Variants in SAMD3 observed in about 807,000 individuals in gnomAD.
The protein encoded by SAMD3 is sterile alpha motif domain containing 3, also known as sterile alpha motif domain-containing protein 3.
SAMD3 carries 63 observed loss-of-function variants against 58.5 expected under a neutral mutation model. The ratio of observed to expected loss-of-function variants is 1.08; its 90% confidence interval spans 0.88 to 1.33. The LOEUF is 1.33. SAMD3 is among the 40% of genes most tolerant of loss of function. The pLI is 0.00. For missense variants in SAMD3, 604 were observed against 608.4 expected (o/e 0.99, Z 0.08); for synonymous variants, 220 against 210.3 (o/e 1.05, Z -0.40).
At chr6:130,315,309 A>G (rs1776324689) in intron 1 of SAMD3, among the ~76,000 whole-genome samples, 1 of 152,178 alleles carries the variant, frequency 6.6e-6, no homozygotes, top group South Asian at 2.1e-4. Flanking sequence ...TAGAGTGTCA[A>G]TGAAAACTTG....
chr6:130,230,797 C>T (rs1428731857), intron 2 of SAMD3, among the ~76,000 whole-genome samples: 1 of 152,178 alleles, frequency 6.6e-6, no homozygotes, highest in African/African-American at 2.4e-5. Flanking sequence ...CATATTCCGA[C>T]CTGCTTACAG....
At chr6:130,343,816 T>G (rs1356444788) in intron 1 of SAMD3, among the ~76,000 whole-genome samples, 2 of 151,822 alleles carry the variant, frequency 1.3e-5, no homozygotes, top group African/African-American at 4.8e-5. Context: ...AATACAAAAA[T>G]TAACCGGGCA....
At chr6:130,291,036 C>T (rs534757140) in intron 2 of SAMD3, among the ~76,000 whole-genome samples, 2 of 152,248 alleles carry the variant, frequency 1.3e-5, no homozygotes, top group South Asian at 2.1e-4. Context: ...ACCTTTCATT[C>T]TGATGTGTGG....
upstream of SAMD3, chr6:130,365,491 G>T (rs985673759): frequency 4.1e-6 from 4 of 985,202 alleles, no homozygotes; most frequent in African/African-American, 7.0e-5. Flanking sequence ...CGGCCCGCCG[G>T]GCGGCATCTG....
At chr6:130,358,007 C>G (rs981849237) in intron 1 of SAMD3, among the ~76,000 whole-genome samples, 3 of 152,178 alleles carry the variant, frequency 2.0e-5, no homozygotes, top group Admixed American at 2.0e-4. Flanking sequence ...AGGTATAAGA[C>G]TAGTGAGTAG....
chr6:130,242,373 G>T (rs1255359222), intron 2 of SAMD3, among the ~76,000 whole-genome samples: 1 of 152,238 alleles, frequency 6.6e-6, no homozygotes, highest in Non-Finnish European at 1.5e-5. Context: ...AAAACAGGCA[G>T]TAGGCCAGAT....
chr6:130,232,385 T>A (rs1368004624), intron 2 of SAMD3, among the ~76,000 whole-genome samples: 1 of 152,216 alleles, frequency 6.6e-6, no homozygotes, highest in African/African-American at 2.4e-5. Context: ...ATGGGCTAAT[T>A]AATGCACTCT....
At chr6:130,212,429 T>C (rs1795656514) in intron 4 of SAMD3, among the ~76,000 whole-genome samples, 2 of 152,206 alleles carry the variant, frequency 1.3e-5, no homozygotes, top group African/African-American at 4.8e-5. Context: ...GTCCCAGTCT[T>C]GGCCATGTTT....
intron 1 of SAMD3, among the ~76,000 whole-genome samples, chr6:130,334,342 GA>G (rs150158828): frequency 2.0e-5 from 3 of 151,880 alleles, no homozygotes; most frequent in Admixed American, 6.6e-5. Flanking sequence ...AACTTTTAAG[GA>G]AAAAAACAAA....
chr6:130,196,057 C>T (rs1794076194), intron 5 of SAMD3, among the ~76,000 whole-genome samples: 2 of 152,182 alleles, frequency 1.3e-5, no homozygotes, highest in African/African-American at 4.8e-5. Flanking sequence ...TCATTACACA[C>T]AGCTGAAGTG....
intron 9 of SAMD3, among the ~76,000 whole-genome samples, chr6:130,153,155 G>A (rs1789379359): frequency 6.6e-6 from 1 of 152,086 alleles, no homozygotes; most frequent in Non-Finnish European, 1.5e-5. Context: ...CATGTAAGGA[G>A]TGTATAGACC....
At chr6:130,309,626 T>C (rs766566181) in intron 2 of SAMD3, among the ~76,000 whole-genome samples, 3 of 152,190 alleles carry the variant, frequency 2.0e-5, no homozygotes, top group East Asian at 1.9e-4. Context: ...AGCAGTGGAA[T>C]TGAAAACAGC....
intron 4 of SAMD3, among the ~76,000 whole-genome samples, chr6:130,211,654 T>C (rs552060281): frequency 6.6e-6 from 1 of 152,166 alleles, no homozygotes; most frequent in South Asian, 2.1e-4. Flanking sequence ...GCCCTTCCAG[T>C]TCAAACCAAT....
intron 8 of SAMD3, chr6:130,159,771 A>G (rs1453244308): frequency 6.6e-6 from 1 of 152,232 alleles, no homozygotes; most frequent in Non-Finnish European, 1.5e-5. Flanking sequence ...AGAATACAGA[A>G]TATACAAAGG....
At position 130,332,200 on chromosome 6, in the gene SAMD3, G is replaced by T. The variant is rs117846968; in HGVS notation, c.-303-19107C>A. Among the ~76,000 whole-genome samples, 53 of 152,294 alleles carry T rather than the reference G, an allele frequency of 3.5e-4. 1 individual carries two copies. The highest frequency in any genetic ancestry group is 6.2e-4 in the South Asian group (3 of 4,818). On this transcript the variant is annotated intron_variant, in intron 1 of 13. Transcript: ENST00000368134. ...TGAAAGGGAAAGTTATGAGATGAAT[G>T]GATTGTGGTTCCTAGATTTTGGTTT...
At chr6:130,327,106 C>T (rs1211650999) in intron 1 of SAMD3, among the ~76,000 whole-genome samples, 2 of 152,040 alleles carry the variant, frequency 1.3e-5, no homozygotes, top group Non-Finnish European at 2.9e-5. Flanking sequence ...CTTTACCTTC[C>T]TTTCCTAGAC....
At chr6:130,266,554 C>G (rs536688194) in intron 2 of SAMD3, among the ~76,000 whole-genome samples, 50 of 152,102 alleles carry the variant, frequency 3.3e-4, no homozygotes, top group Middle Eastern at 3.2e-3. Flanking sequence ...AAACAGCCAC[C>G]TAGTGGAGTT....
At chr6:130,214,019 C>G (rs557141380) in intron 4 of SAMD3, among the ~76,000 whole-genome samples, 1 of 152,214 alleles carries the variant, frequency 6.6e-6, no homozygotes, top group Non-Finnish European at 1.5e-5. Flanking sequence ...GATTTTAAAA[C>G]CAGAGCTTCA....
chr6:130,195,434 C>T (rs1172658717), intron 5 of SAMD3, among the ~76,000 whole-genome samples: 4 of 152,180 alleles, frequency 2.6e-5, no homozygotes, highest in East Asian at 3.9e-4. Context: ...CCCCATTTTA[C>T]CTATCCTAGA....
Sources: gnomAD v4.1 joint callset for allele counts (sites outside exome capture counted in the v4.1 genomes callset) on GRCh38, gnomAD v4.1.1 for gene constraint, MANE v1.5 for transcripts, NCBI Gene and HGNC (gene_info 2026-07-23, HGNC 2026-07-21) for gene names.